The following ITPR1 variants were observed in gnomAD, a reference collection of about 807,000 sequenced individuals.
ITPR1 encodes inositol 1,4,5-trisphosphate receptor type 1.
Under a neutral mutation model 318.4 loss-of-function variants are expected in ITPR1, and 96 were observed. The observed-to-expected ratio is 0.30, with a 90% confidence interval of 0.26 to 0.36. The LOEUF (loss-of-function observed/expected upper bound fraction) is 0.36, where lower values mean the gene tolerates loss of function less well. Among genes scored for constraint, ITPR1 ranks in the 10% least tolerant of loss-of-function variants. The pLI is 1.00. For synonymous variants in ITPR1, 1,312 were observed against 1,289.9 expected, an observed-to-expected ratio of 1.02 and a Z score of -0.37; for missense variants, 2,440 against 3,460.2, an observed-to-expected ratio of 0.71 and a Z score of 7.40.
intron 4 of ITPR1, among the ~76,000 whole-genome samples, chr3:4,620,362 C>T (rs192415273): frequency 6.6e-6 from 1 of 152,278 alleles, no homozygotes; most frequent in East Asian, 1.9e-4. Context: ...GATGTCTGGA[C>T]TATATGGGGT....
chr3:4,836,107 T>C (rs930627135), intron 60 of ITPR1, among the ~76,000 whole-genome samples: 2 of 152,218 alleles, frequency 1.3e-5, no homozygotes, highest in African/African-American at 4.8e-5. Flanking sequence ...ACAGAACACC[T>C]GGGACCTTAA....
intron 60 of ITPR1, among the ~76,000 whole-genome samples, chr3:4,818,510 C>A (rs753465585): frequency 2.6e-5 from 4 of 152,180 alleles, no homozygotes; most frequent in Admixed American, 6.5e-5. Context: ...GGAACTGGGG[C>A]TGGGATTTTA....
chr3:4,846,512 T>C lies in ITPR1; in HGVS notation c.*287T>C, dbSNP rs543676313. 33 of 244,328 alleles carry C rather than the reference T, an allele frequency of 1.4e-4. No individual in the cohort carries two copies. The East Asian group carries it at 2.6e-3, about 20-fold the overall frequency. The allele number at this position is 244,328 out of a possible 1,614,324, so 15.1% of individuals were successfully genotyped here. A position where few individuals can be genotyped will look rare whatever the true frequency, so the allele number is the denominator to read the frequency against. On this transcript the variant is annotated 3_prime_UTR_variant, in exon 62 of 62. Coordinates refer to ENST00000649015, the MANE Select transcript of ITPR1 (RefSeq NM_001378452.1). ...ATTTGCACTTGAACCAGATTATAGA[T>C]TTAAAAGTATATGACATGTATTTTG...
intron 52 of ITPR1, among the ~76,000 whole-genome samples, chr3:4,789,601 GTTTTTGTTTTTGTTTTTGT>G (rs1228839344): frequency 1.8e-4 from 24 of 136,726 alleles, no homozygotes; most frequent in South Asian, 1.3e-3. Context: ...GAGGTGTTTT[GTTTTTGTTTTTGTTTTTGT>G]TTTTGTTTTT....
intron 4 of ITPR1, among the ~76,000 whole-genome samples, chr3:4,614,651 T>G (rs2092313916): frequency 6.6e-6 from 1 of 152,228 alleles, no homozygotes; most frequent in South Asian, 2.1e-4. Context: ...CTTCCAGGTC[T>G]AGATTTTCTG....
intron 18 of ITPR1, among the ~76,000 whole-genome samples, chr3:4,669,202 T>G (rs373850207): frequency 6.6e-6 from 1 of 152,210 alleles, no homozygotes; most frequent in East Asian, 1.9e-4. Flanking sequence ...ATTATCCTTT[T>G]CTGTAGACGA....
chr3:4,694,320 A>C (rs1295615654), intron 33 of ITPR1, among the ~76,000 whole-genome samples: 2 of 149,892 alleles, frequency 1.3e-5, no homozygotes, highest in African/African-American at 4.9e-5. Context: ...GTATATTATA[A>C]AGTATATATT....
intron 34 of ITPR1, 41 bp from the exon 35 acceptor site, chr3:4,699,772 A>G (rs758583407): frequency 3.1e-6 from 5 of 1,598,022 alleles, no homozygotes; most frequent in East Asian, 2.2e-5. Context: ...TGTTTGGTGT[A>G]GGTTTTGGTG....
chr3:4,818,226 T>C lies in ITPR1; in HGVS notation c.8012T>C (p.Val2671Ala). Residue 2671 changes from valine to alanine, a missense_variant, in exon 60 of 62, where the codon GTG becomes GCG. Val to Ala is a moderately conservative substitution (Grantham distance 64). Transcript: ENST00000649015. ...STEYTGPESY[V>A]AEMIKERNLD... ...GAATATACTGGGCCTGAGAGTTACG[T>C]GGCAGAAATGATCAAGGTGAGTGGA... The C allele has an allele frequency of 6.4e-7, 1 of 1,569,848 alleles. No individual in the cohort carries two copies. Among genetic ancestry groups the C allele is most frequent in the Non-Finnish European group, 8.7e-7 (1 of 1,146,122 alleles).
At chr3:4,611,857 T>G (rs1320121456) in intron 4 of ITPR1, among the ~76,000 whole-genome samples, 1 of 152,154 alleles carries the variant, frequency 6.6e-6, no homozygotes, top group African/African-American at 2.4e-5. Flanking sequence ...CTTCCTATTG[T>G]AAAAATAATT....
intron 45 of ITPR1, among the ~76,000 whole-genome samples, chr3:4,767,952 G>T (rs1182987552): frequency 4.6e-5 from 7 of 152,208 alleles, no homozygotes; most frequent in African/African-American, 1.7e-4. Context: ...CATGCAGCTA[G>T]GAGGCAGTGG....
intron 13 of ITPR1, among the ~76,000 whole-genome samples, chr3:4,658,689 G>C (rs979407854): frequency 6.6e-6 from 1 of 151,940 alleles, no homozygotes; most frequent in East Asian, 1.9e-4. Flanking sequence ...GAAGTTCACT[G>C]TTTGCATAGT....
intron 4 of ITPR1, among the ~76,000 whole-genome samples, chr3:4,558,042 G>C (rs2086307332): frequency 6.6e-6 from 1 of 152,148 alleles, no homozygotes; most frequent in Non-Finnish European, 1.5e-5. Flanking sequence ...GTTTAGTAAA[G>C]TGTTTGGACC....
chr3:4,672,627 T>C (rs1223421605), intron 20 of ITPR1, among the ~76,000 whole-genome samples: 2 of 152,264 alleles, frequency 1.3e-5, no homozygotes, highest in Non-Finnish European at 2.9e-5. Context: ...AGTCTCCTAC[T>C]TTTGTAAATG....
At chr3:4,561,054 G>A (rs1418534983) in intron 4 of ITPR1, among the ~76,000 whole-genome samples, 4 of 152,182 alleles carry the variant, frequency 2.6e-5, no homozygotes, top group Non-Finnish European at 5.9e-5. Context: ...GAACGAGGAG[G>A]AGAATCTTGG....
rs1363201401 is a variant in ITPR1, at chr3:4,662,203, G to C, written c.1373G>C (p.Gly458Ala). The C allele has an allele frequency of 6.2e-7, 1 of 1,611,906 alleles. No homozygotes were observed. Reference protein sequence around the residue: ...DASKVLGSIAGKLEKGTITQN... With the variant: ...DASKVLGSIAAKLEKGTITQN... Reference sequence around the variant, plus strand: ...AGCAAGGTGCTGGGCTCCATTGCTGGGAAGCTAGAGAAGGGCACCATCACC... The same window carrying C: ...AGCAAGGTGCTGGGCTCCATTGCTGCGAAGCTAGAGAAGGGCACCATCACC... Residue 458 changes from glycine (G) to alanine (A), a missense_variant, in exon 15 of 62, where the codon GGG becomes GCG. Gly to Ala is a moderately conservative substitution (Grantham distance 60). Coordinates refer to ENST00000649015, the MANE Select transcript of ITPR1 (RefSeq NM_001378452.1).
chr3:4,624,467 G>A (rs911932727), intron 4 of ITPR1, among the ~76,000 whole-genome samples: 16 of 152,054 alleles, frequency 1.1e-4, no homozygotes, highest in South Asian at 1.0e-3. Flanking sequence ...TCAGGAGTTC[G>A]AGACCAGCCT....
At chr3:4,835,874 A>G (rs2050874317) in intron 60 of ITPR1, among the ~76,000 whole-genome samples, 1 of 152,204 alleles carries the variant, frequency 6.6e-6, no homozygotes, top group South Asian at 2.1e-4. Context: ...TATAGACATC[A>G]AAAGGATGGG....
intron 4 of ITPR1, among the ~76,000 whole-genome samples, chr3:4,546,822 A>G (rs549107587): frequency 6.8e-6 from 1 of 147,408 alleles, no homozygotes; most frequent in South Asian, 2.2e-4. Flanking sequence ...TGAAATCTTG[A>G]CATACCACCC....
Sources: gnomAD v4.1 joint callset for allele counts (sites outside exome capture counted in the v4.1 genomes callset) on GRCh38, gnomAD v4.1.1 for gene constraint, MANE v1.5 for transcripts, NCBI Gene and HGNC (gene_info 2026-07-23, HGNC 2026-07-21) for gene names.